Variants in USP19 observed in about 807,000 individuals in gnomAD.
USP19 encodes the protein ubiquitin carboxyl-terminal hydrolase 19.
USP19 carries 40 observed loss-of-function variants against 144.8 expected under a neutral mutation model. That is an observed-to-expected ratio of 0.28 (90% confidence interval 0.21 to 0.36). USP19 has a LOEUF of 0.36. USP19 is among the 10% of genes least tolerant of loss of function. USP19 has a pLI of 1.00. For missense variants in USP19, 1,518 were observed against 1,822.5 expected, an observed-to-expected ratio of 0.83 and a Z score of 3.04; for synonymous variants, 701 against 709.3, an observed-to-expected ratio of 0.99 and a Z score of 0.19.
rs2044233184 is a variant in USP19 at position 49,116,876 on chromosome 3, T to C, written c.977A>G (p.Glu326Gly). Residue 326 changes from glutamate to glycine, a missense_variant, in exon 7 of 27, where the codon GAG becomes GGG. Physicochemically the swap from Glu to Gly is moderately conservative, Grantham distance 98. This residue lies in a region of USP19 where 707 missense variants were observed against 728.9 expected (regional missense o/e 0.97). Transcript: ENST00000417901. The surrounding 1 kb of genome is among the most constrained non-coding windows in gnomAD (Gnocchi z 5.0). Reference protein sequence around the residue: ...NSQTCLLGSEENLAPLAGEKA... With the variant: ...NSQTCLLGSEGNLAPLAGEKA... The stretch of plus-strand genomic sequence containing the variant: ...CTCTCCTGCCAAAGGGGCTAAATTC[T>C]CCTCTGAGCCCAGGAGGCAGGTTTG... The C allele has an allele frequency of 1.2e-6, 2 of 1,614,122 alleles. No individual in the cohort carries two copies. Among genetic ancestry groups the C allele is most frequent in the Non-Finnish European group, 1.7e-6 (2 of 1,180,022 alleles).
chr3:49,116,022 C>T lies in USP19; in HGVS notation c.1471+25G>A. 2 of 1,583,834 alleles carry T rather than the reference C, an allele frequency of 1.3e-6. No individual in the cohort carries two copies. Among genetic ancestry groups the T allele is most frequent in the South Asian group, 1.1e-5 (1 of 87,632 alleles). ...TGGGTCCTGGTCACGTGGAACTGGG[C>T]AATGAAGGGAGCTCGTGTGCAGACC... On this transcript the variant is annotated intron_variant, in intron 10 of 26. Coordinates refer to ENST00000417901, the MANE Select transcript of USP19 (RefSeq NM_001199161.2). The surrounding 1 kb of genome is among the most constrained non-coding windows in gnomAD (Gnocchi z 5.0).
Position 49,108,587 on chromosome 3 carries a change from G to C in USP19, c.4039-59C>G. 8.0e-7 allele frequency: 1 copy of C among 1,254,198 alleles called. No individual in the cohort carries two copies. The highest frequency in any genetic ancestry group is 1.0e-6 in the Non-Finnish European group (1 of 987,848). 77.7% of individuals were successfully genotyped at this position (1,254,198 alleles called of 1,614,324 possible). A position where few individuals can be genotyped will look rare whatever the true frequency, so the allele number is the denominator to read the frequency against. ...TGCCCAGCATGCCGCCTGGCATCCC[G>C]GGGGTGCTGGCTTGGAGCCCTGGCA... On this transcript the variant is annotated intron_variant, in intron 26 of 26. Coordinates refer to ENST00000417901, the MANE Select transcript of USP19 (RefSeq NM_001199161.2). This position sits in a 1 kb window ranked among gnomAD's most constrained non-coding sequence, Gnocchi z 4.8.
chr3:49,111,414 C>G lies in USP19; in HGVS notation c.3218-49G>C. 1 of 1,611,838 alleles carries G rather than the reference C, an allele frequency of 6.2e-7. No homozygotes were observed. Among genetic ancestry groups the G allele is most frequent in the East Asian group, 2.2e-5 (1 of 44,872 alleles). On this transcript the variant is annotated intron_variant, in intron 21 of 26. Coordinates refer to ENST00000417901, the MANE Select transcript of USP19 (RefSeq NM_001199161.2). The surrounding 1 kb of genome is among the most constrained non-coding windows in gnomAD (Gnocchi z 5.9). ...AGCTTCCCTGCCCATCAGGGCCTCA[C>G]CAGGCCCACCAGGCCCTAAACAACA...
At position 49,117,812 on chromosome 3, in the gene USP19, T is replaced by C; in HGVS notation, c.317A>G (p.His106Arg). 1.2e-6 allele frequency: 2 copies of C among 1,614,184 alleles called. No individual in the cohort carries two copies. Among genetic ancestry groups the C allele is most frequent in the Non-Finnish European group, 8.5e-7 (1 of 1,180,028 alleles). The change falls in exon 4 of 27, where the codon CAT (histidine) becomes CGT (arginine). Residue 106 changes from histidine (H) to arginine (R), a missense_variant. Physicochemically the swap from His to Arg is conservative, Grantham distance 29. This residue lies in a region of USP19 where 707 missense variants were observed against 728.9 expected (regional missense o/e 0.97). Coordinates refer to ENST00000417901, the MANE Select transcript of USP19 (RefSeq NM_001199161.2). This position sits in a 1 kb window ranked among gnomAD's most constrained non-coding sequence, Gnocchi z 4.4. ...QTKEGACEDP[H>R]DLLATPTPEL... The stretch of plus-strand genomic sequence containing the variant: ...TGGAGTGGGAGTAGCCAAGAGATCA[T>C]GAGGGTCTTCACAAGCTCCTGATGG...
rs2043406340 is a variant in USP19, at chr3:49,112,932, T to G, written c.2506-303A>C. 6.6e-6 allele frequency among the ~76,000 whole-genome samples: 1 copy of G among 152,170 alleles called. No homozygotes were observed. The highest frequency in any genetic ancestry group is 6.5e-5 in the Admixed American group (1 of 15,280). On this transcript the variant is annotated intron_variant, in intron 17 of 26. Transcript: ENST00000417901. The surrounding 1 kb of genome is among the most constrained non-coding windows in gnomAD (Gnocchi z 4.9). ...CTTATAAGACTGTAACATATTATCA[T>G]GGAGGGTCCACATTCAAAGAGCCTC... is the stretch of plus-strand genomic sequence containing the variant.
At position 49,111,263 on chromosome 3, in the gene USP19, T is replaced by C; in HGVS notation, c.3320A>G (p.Glu1107Gly). ...CCCACAGCCTCAGACACCTTTGTCCTCTAGCCGCTGCTCTCGGTTGGATGA... is the reference window on the plus strand; with the variant it reads ...CCCACAGCCTCAGACACCTTTGTCCCCTAGCCGCTGCTCTCGGTTGGATGA... ...IDSSNREQRL[E>G]DKGDTPLELG... The change falls in exon 22 of 27, where the codon GAG becomes GGG. Residue 1107 changes from glutamate (E) to glycine (G), a missense_variant. By Grantham distance (98) the Glu-to-Gly change is moderately conservative. Coordinates refer to ENST00000417901, the MANE Select transcript of USP19 (RefSeq NM_001199161.2). This position sits in a 1 kb window ranked among gnomAD's most constrained non-coding sequence, Gnocchi z 5.9. 1 of 1,614,110 alleles carries C rather than the reference T, an allele frequency of 6.2e-7. No homozygotes were observed. The highest frequency in any genetic ancestry group is 8.5e-7 in the Non-Finnish European group (1 of 1,180,006).
At position 49,117,165 on chromosome 3, in the gene USP19, G is replaced by A. The variant is rs1010501087; in HGVS notation, c.803C>T (p.Ala268Val). ...TCTGCAGAGATGCACAGCCCTCTTG[G>A]CGCTGGGCCCTGCCTGGGCCCCGGG... ...AGPGAQAGPSAKRAVHLCRGP... is the reference protein window; with the variant it reads ...AGPGAQAGPSVKRAVHLCRGP... Residue 268 changes from alanine to valine, a missense_variant, in exon 6 of 27, where the codon GCC (alanine) becomes GTC (valine). Transcript: ENST00000417901. The surrounding 1 kb of genome is among the most constrained non-coding windows in gnomAD (Gnocchi z 4.4). 3.9e-6 allele frequency: 6 copies of A among 1,548,334 alleles called. No homozygotes were observed. The African/African-American group carries it at 8.2e-5, about 21-fold the overall frequency.
rs779482499 is a variant in USP19 at position 49,111,211 on chromosome 3, C to T, written c.3328+44G>A. The T allele has an allele frequency of 5.6e-6, 9 of 1,614,040 alleles. No homozygotes were observed. Among genetic ancestry groups the T allele is most frequent in the South Asian group, 3.3e-5 (3 of 91,074 alleles). ...GAGGTCATGCAGCTGTGGAGAACAG[C>T]CAGCTCAACCCACCCCATGGCTCCC... On this transcript the variant is annotated intron_variant, in intron 22 of 26. Transcript: ENST00000417901. The surrounding 1 kb of genome is among the most constrained non-coding windows in gnomAD (Gnocchi z 5.9).
At position 49,108,497 on chromosome 3, in the gene USP19, G is replaced by A; in HGVS notation, c.4070C>T (p.Ala1357Val). Reference sequence around the variant, plus strand: ...GCGTTCAGGGGCTGTCCGCGTGGGGGCCACCTCGGGGGCCTGGCCAGGGCC... The same window carrying A: ...GCGTTCAGGGGCTGTCCGCGTGGGGACCACCTCGGGGGCCTGGCCAGGGCC... ...GLGPGQAPEV[A>V]PTRTAPERFA... The change falls in exon 27 of 27, where the codon GCC (alanine) becomes GTC (valine). Residue 1357 changes from alanine (A) to valine (V), a missense_variant. Physicochemically the swap from Ala to Val is moderately conservative, Grantham distance 64. Transcript: ENST00000417901. This position sits in a 1 kb window ranked among gnomAD's most constrained non-coding sequence, Gnocchi z 4.8. 1 of 1,253,122 alleles carries A rather than the reference G, an allele frequency of 8.0e-7. No homozygotes were observed. Among genetic ancestry groups the A allele is most frequent in the South Asian group, 2.3e-5 (1 of 43,850 alleles). 77.6% of individuals were successfully genotyped at this position (1,253,122 alleles called of 1,614,324 possible). A position where few individuals can be genotyped will look rare whatever the true frequency, so the allele number is the denominator to read the frequency against.
rs1480679599 is a variant in USP19 at position 49,117,196 on chromosome 3, C to A, written c.772G>T (p.Ala258Ser). The change falls in exon 6 of 27, where the codon GCT becomes TCT. Residue 258 changes from alanine to serine, a missense_variant. Physicochemically the swap from Ala to Ser is moderately conservative, Grantham distance 99. Around this residue, in one of 5 missense-constraint regions of USP19, gnomAD observed 707 missense variants for 728.9 expected, o/e 0.97. Coordinates refer to ENST00000417901, the MANE Select transcript of USP19 (RefSeq NM_001199161.2). The surrounding 1 kb of genome is among the most constrained non-coding windows in gnomAD (Gnocchi z 4.4). Reference sequence around the variant, plus strand: ...GGCCCTGCCTGGGCCCCGGGGCCAGCCCCTGCGCCTACCTCACCACGGCCC... The same window carrying A: ...GGCCCTGCCTGGGCCCCGGGGCCAGACCCTGCGCCTACCTCACCACGGCCC... Reference protein sequence around the residue: ...AQGRGEVGAGAGPGAQAGPSA... With the variant: ...AQGRGEVGAGSGPGAQAGPSA... The A allele has an allele frequency of 1.3e-6, 2 of 1,547,742 alleles. No homozygotes were observed. The highest frequency in any genetic ancestry group is 4.9e-5 in the East Asian group (2 of 40,914).
At position 49,108,609 on chromosome 3, in the gene USP19, G is replaced by A. The variant is rs2042673327; in HGVS notation, c.4039-81C>T. The A allele has an allele frequency of 8.9e-6, 11 of 1,239,908 alleles. No homozygotes were observed. The highest frequency in any genetic ancestry group is 1.1e-5 in the Non-Finnish European group (11 of 984,616). The allele number at this position is 1,239,908 out of a possible 1,614,324, so 76.8% of individuals were successfully genotyped here. On this transcript the variant is annotated intron_variant, in intron 26 of 26. Coordinates refer to ENST00000417901, the MANE Select transcript of USP19 (RefSeq NM_001199161.2). The surrounding 1 kb of genome is among the most constrained non-coding windows in gnomAD (Gnocchi z 4.8). ...CCCGGGGGTGCTGGCTTGGAGCCCT[G>A]GCACCCAAGGGAGGGTCCCAAGGCA...
At position 49,112,159 on chromosome 3, in the gene USP19, A is replaced by G; in HGVS notation, c.2766-111T>C. ...TGGGTACGCCAGCCCTGCCTCCCCC[A>G]GAGCCTGGTAAAGTAGGGTGGCAAG... On this transcript the variant is annotated intron_variant, in intron 19 of 26. Coordinates refer to ENST00000417901, the MANE Select transcript of USP19 (RefSeq NM_001199161.2). The surrounding 1 kb of genome is among the most constrained non-coding windows in gnomAD (Gnocchi z 4.9). The G allele has an allele frequency of 1.2e-5, 19 of 1,545,122 alleles. No homozygotes were observed. The highest frequency in any genetic ancestry group is 1.7e-5 in the Non-Finnish European group (19 of 1,143,656).
rs946816637 is a variant in USP19, at chr3:49,116,525, G to A, written c.1209C>T (p.Tyr403=). 14 of 1,614,072 alleles carry A rather than the reference G, an allele frequency of 8.7e-6. No homozygotes were observed. Among genetic ancestry groups the A allele is most frequent in the African/African-American group, 5.3e-5 (4 of 74,916 alleles). Residue 403 remains tyrosine, a synonymous_variant, in exon 8 of 27, where the codon TAC becomes TAT. Transcript: ENST00000417901. This position sits in a 1 kb window ranked among gnomAD's most constrained non-coding sequence, Gnocchi z 5.0. ...KGPDSVVVHV[Y]VKEICRDTSR... ...AGGTGTCCCTGCAGATCTCCTTCACGTACACGTGCACCACCACTGAATCCG... is the reference window on the plus strand; with the variant it reads ...AGGTGTCCCTGCAGATCTCCTTCACATACACGTGCACCACCACTGAATCCG...
rs146952729 is a variant in USP19 at position 49,110,791 on chromosome 3, G to A, written c.3618C>T (p.Leu1206=). Residue 1206 remains leucine, a synonymous_variant, in exon 24 of 27, where the codon CTC becomes CTT. Transcript: ENST00000417901. The surrounding 1 kb of genome is among the most constrained non-coding windows in gnomAD (Gnocchi z 6.1). ...QLLLWRLPNV[L]IVQLKRFSFR... ...AGGAGAAGCGCTTGAGCTGCACGAT[G>A]AGAACATTTGGCAGGCGCCATAGCA... The A allele has an allele frequency of 7.2e-5, 117 of 1,614,220 alleles. 1 individual carries two copies. The East Asian group carries it at 2.5e-3, about 34-fold the overall frequency.
In USP19 at chr3:49,111,024, C is replaced by T. The variant is rs905849884; in HGVS notation, c.3471G>A (p.Arg1157=). 3.1e-6 allele frequency: 5 copies of T among 1,613,918 alleles called. No homozygotes were observed. The highest frequency in any genetic ancestry group is 1.7e-5 in the Admixed American group (1 of 60,006). Residue 1157 remains arginine (R), a synonymous_variant, in exon 23 of 27, where the codon CGG becomes CGA. Coordinates refer to ENST00000417901, the MANE Select transcript of USP19 (RefSeq NM_001199161.2). The surrounding 1 kb of genome is among the most constrained non-coding windows in gnomAD (Gnocchi z 5.9). ...ACTGGTCCAGGGTGAAGTGGCCGGC[C>T]CGGGCAGCCTCACCGGCAGAGCCTG... ...EDPGSAGEAA[R]AGHFTLDQCL...
intron 1 of USP19, among the ~76,000 whole-genome samples, chr3:49,119,996 G>A (rs2044909004): frequency 6.6e-6 from 1 of 152,214 alleles, no homozygotes; most frequent in African/African-American, 2.4e-5. Flanking sequence ...CATCCAGTTT[G>A]AGACTGGAAC....
At position 49,117,649 on chromosome 3, in the gene USP19, G is replaced by A; in HGVS notation, c.472+8C>T. 3.1e-6 allele frequency: 5 copies of A among 1,614,134 alleles called. No individual in the cohort carries two copies. Among genetic ancestry groups the A allele is most frequent in the Non-Finnish European group, 3.4e-6 (4 of 1,180,022 alleles). On this transcript the variant is annotated splice_region_variant and intron_variant, in intron 4 of 26. Coordinates refer to ENST00000417901, the MANE Select transcript of USP19 (RefSeq NM_001199161.2). This position sits in a 1 kb window ranked among gnomAD's most constrained non-coding sequence, Gnocchi z 4.4. ...ACATACTACTGTGCTCAGGGCAGAT[G>A]GACACACCTGCAAACCGCACCACAC...
chr3:49,116,060 G>A lies in USP19; in HGVS notation c.1458C>T (p.Ala486=), dbSNP rs2044059477. The A allele has an allele frequency of 1.3e-6, 2 of 1,597,174 alleles. No individual in the cohort carries two copies. The highest frequency in any genetic ancestry group is 2.7e-5 in the African/African-American group (2 of 73,404). ...RQSQRWGGLE[A]PAARGAVGGA... ...TCGTGTGCAGACCTCGTGCAGCCGG[G>A]GCCTCCAGGCCCCCCCAGCGCTGAC... The change falls in exon 10 of 27, where the codon GCC becomes GCT. Residue 486 remains alanine (A), a synonymous_variant. Coordinates refer to ENST00000417901, the MANE Select transcript of USP19 (RefSeq NM_001199161.2). This position sits in a 1 kb window ranked among gnomAD's most constrained non-coding sequence, Gnocchi z 5.0.
At position 49,119,014 on chromosome 3, in the gene USP19, A is replaced by G. The variant is rs781518786; in HGVS notation, c.124+8T>C. On this transcript the variant is annotated splice_region_variant and intron_variant, in intron 2 of 26. Coordinates refer to ENST00000417901, the MANE Select transcript of USP19 (RefSeq NM_001199161.2). ...AGGCCACAATTACTCTGGGAATGCC[A>G]CTCCCACCTTTCCTAGGATCTCCAT... 3.2e-5 allele frequency: 52 copies of G among 1,613,648 alleles called. No individual in the cohort carries two copies. The Admixed American group carries it at 8.5e-4, about 26-fold the overall frequency.
Sources: gnomAD v4.1 joint callset for allele counts (sites outside exome capture counted in the v4.1 genomes callset) on GRCh38, gnomAD v4.1.1 for gene constraint, gnomAD v4.1.1 regional missense constraint, Gnocchi (gnomAD v3.1) non-coding constraint, MANE v1.5 for transcripts, NCBI Gene and HGNC (gene_info 2026-07-23, HGNC 2026-07-21) for gene names.